The following CFAP53 variants were observed in gnomAD, a reference collection of about 807,000 sequenced individuals.
CFAP53 encodes cilia- and flagella-associated protein 53.
A neutral mutation model predicts 59.7 loss-of-function variants in CFAP53; 62 were observed. That is an observed-to-expected ratio of 1.04 (90% confidence interval 0.85 to 1.28). CFAP53 has a LOEUF of 1.28. Among genes scored for constraint, CFAP53 ranks in the 50% most tolerant of loss-of-function variants. CFAP53 has a pLI of 0.00. For synonymous variants in CFAP53, 218 were observed against 205.7 expected (o/e 1.06, Z -0.51); for missense variants, 629 against 615.6 (o/e 1.02, Z -0.23).
intron 5 of CFAP53, among the ~76,000 whole-genome samples, chr18:50,247,955 G>T (rs1010268841): frequency 5.3e-5 from 8 of 152,214 alleles, no homozygotes; most frequent in African/African-American, 1.9e-4. Context: ...CTCTCTTGAA[G>T]CTGTTAAAAA....
In CFAP53 at chr18:50,243,098, G is replaced by A. The variant is rs1568153708; in HGVS notation, c.1015C>T (p.Gln339Ter). 6.2e-7 allele frequency: 1 copy of A among 1,611,478 alleles called. No individual in the cohort carries two copies. The highest frequency in any genetic ancestry group is 1.1e-5 in the South Asian group (1 of 91,000). ...GCCAAATATTTATGGTATATCTTCT[G>A]TTCTCTTATCATATCTTCCTATGTA... Reference protein sequence around the residue: ...KQKREDMIREQKIYHKYLAQR... With the variant: ...KQKREDMIRE Residue 339 changes from glutamine to a stop codon, truncating the protein, a stop_gained, in exon 6 of 8, where the codon CAG (glutamine) becomes TAG (stop). Transcript: ENST00000398545. LOFTEE classifies it high-confidence loss of function.
chr18:50,253,233 G>A (rs1198012984), intron 3 of CFAP53, among the ~76,000 whole-genome samples: 1 of 151,942 alleles, frequency 6.6e-6, no homozygotes. Context: ...ACCCAGGATG[G>A]TCTTGATCTC....
intron 7 of CFAP53, among the ~76,000 whole-genome samples, chr18:50,233,740 A>G (rs1191385491): frequency 2.6e-5 from 4 of 152,262 alleles, no homozygotes; most frequent in Admixed American, 2.6e-4. Flanking sequence ...CATAACACAC[A>G]GCACTAACTT....
intron 4 of CFAP53, 44 bp downstream of exon 4, chr18:50,251,437 C>T (rs1400722123): frequency 6.5e-7 from 1 of 1,540,544 alleles, no homozygotes; most frequent in East Asian, 2.2e-5. Context: ...CTGTACTACA[C>T]CCATGGCGTT....
intron 7 of CFAP53, 55 bp downstream of exon 7, chr18:50,238,548 A>G (rs1256257064): frequency 1.6e-6 from 2 of 1,248,844 alleles, no homozygotes; most frequent in Non-Finnish European, 2.3e-6. Flanking sequence ...CACCATGGCT[A>G]GCCAAAAATC....
intron 5 of CFAP53, among the ~76,000 whole-genome samples, chr18:50,248,915 C>G (rs1476549388): frequency 6.6e-6 from 1 of 151,562 alleles, no homozygotes; most frequent in Non-Finnish European, 1.5e-5. Flanking sequence ...AATGGCTAAA[C>G]AAACTGTGGT....
chr18:50,249,983 G>A (rs1198250914), intron 5 of CFAP53, among the ~76,000 whole-genome samples: 1 of 152,114 alleles, frequency 6.6e-6, no homozygotes, highest in Non-Finnish European at 1.5e-5. Context: ...AGCACTTTAG[G>A]AGGCTGAGGT....
At chr18:50,234,594 C>G (rs2144403618) in intron 7 of CFAP53, among the ~76,000 whole-genome samples, 1 of 152,290 alleles carries the variant, frequency 6.6e-6, no homozygotes, top group African/African-American at 2.4e-5. Flanking sequence ...GAACTGGGCT[C>G]TTCTTTTTGT....
In CFAP53 at chr18:50,253,954, T is replaced by C. The variant is rs563764164; in HGVS notation, c.474-2170A>G. 5.3e-5 allele frequency among the ~76,000 whole-genome samples: 8 copies of C among 152,296 alleles called. No individual in the cohort carries two copies. In the South Asian group the frequency reaches 1.5e-3, roughly 28 times the overall value. ...TAATCTGGGGTCTAATCATTAACCA[T>C]GTATAATTACAGGGCATTTAAAAAG... On this transcript the variant is annotated intron_variant, in intron 3 of 7. Transcript: ENST00000398545.
At position 50,250,823 on chromosome 18, in the gene CFAP53, T is replaced by A; in HGVS notation, c.931A>T (p.Met311Leu). The A allele has an allele frequency of 6.2e-7, 1 of 1,614,214 alleles. No homozygotes were observed. The highest frequency in any genetic ancestry group is 2.2e-5 in the East Asian group (1 of 44,890). Residue 311 changes from methionine to leucine, a missense_variant, in exon 5 of 8, where the codon ATG becomes TTG. Coordinates refer to ENST00000398545, the MANE Select transcript of CFAP53 (RefSeq NM_145020.5). ...QEYRDEQDLN[M>L]KLVQRALQDL... ...TGAAGGGCCCTTTGCACGAGCTTCA[T>A]GTTCAAGTCCTGTTCGTCTCTGTAT...
intron 7 of CFAP53, 150 bp from the exon 8 acceptor site, chr18:50,227,759 T>A: frequency 3.2e-6 from 2 of 626,240 alleles, no homozygotes; most frequent in Middle Eastern, 4.1e-4. Flanking sequence ...AAAAACTCAA[T>A]AATGGGTTTC....
At chr18:50,227,955 C>CTTTTCT (rs2033542096) in intron 7 of CFAP53, among the ~76,000 whole-genome samples, 1 of 90,090 alleles carries the variant, frequency 1.1e-5, no homozygotes, top group Non-Finnish European at 1.9e-5. Flanking sequence ...AACTTTTCTC[C>CTTTTCT]TTTTTTTTTT....
intron 1 of CFAP53, among the ~76,000 whole-genome samples, chr18:50,264,318 T>A (rs985828457): frequency 6.6e-6 from 1 of 152,222 alleles, no homozygotes; most frequent in African/African-American, 2.4e-5. Context: ...TTATAGTTAT[T>A]AGGATTACAA....
At position 50,261,981 on chromosome 18, in the gene CFAP53, G is replaced by A. The variant is rs751535139; in HGVS notation, c.299+9C>T. 3.8e-6 allele frequency: 6 copies of A among 1,592,596 alleles called. No individual in the cohort carries two copies. Among genetic ancestry groups the A allele is most frequent in the Admixed American group, 3.3e-5 (2 of 59,808 alleles). On this transcript the variant is annotated intron_variant, in intron 2 of 7. Transcript: ENST00000398545. ...TTCATGGTTTATGTCCCAGGTTTGT[G>A]AGCCTTACTTATTTCGTCTTTCTTC...
At position 50,227,485 on chromosome 18, in the gene CFAP53, T is replaced by C; in HGVS notation, c.1441A>G (p.Lys481Glu). 6.2e-7 allele frequency: 1 copy of C among 1,614,200 alleles called. No homozygotes were observed. Among genetic ancestry groups the C allele is most frequent in the Non-Finnish European group, 8.5e-7 (1 of 1,180,020 alleles). ...TCCTGGACCTTGTCCAAACACATCT[T>C]GTTTGCTGCTACACCTGCTTCAAAC... ...REFEAGVAAN[K>E]MCLDKVQEVL... The change falls in exon 8 of 8, where the codon AAG becomes GAG. Residue 481 changes from lysine to glutamate, a missense_variant. Lys to Glu is a moderately conservative substitution (Grantham distance 56). Coordinates refer to ENST00000398545, the MANE Select transcript of CFAP53 (RefSeq NM_145020.5).
At chr18:50,251,925 G>A (rs2033805364) in intron 3 of CFAP53, 141 bp from the exon 4 acceptor site, 1 of 728,218 alleles carries the variant, frequency 1.4e-6, no homozygotes, top group South Asian at 1.8e-5. Flanking sequence ...GGAAACAAGA[G>A]GGAGCAGCAG....
Position 50,250,839 on chromosome 18 carries a change from G to A in CFAP53, c.915C>T (p.Asp305=), listed in dbSNP as rs1243166509. 1.3e-5 allele frequency: 21 copies of A among 1,613,980 alleles called. No homozygotes were observed. The highest frequency in any genetic ancestry group is 5.3e-5 in the African/African-American group (4 of 74,918). The part of the protein sequence containing the change: ...RIEHIQQEYR[D]EQDLNMKLVQ... ...CGAGCTTCATGTTCAAGTCCTGTTC[G>A]TCTCTGTATTCCTGCTGAATATGTT... is the stretch of plus-strand genomic sequence containing the variant. Residue 305 remains aspartate, a synonymous_variant, in exon 5 of 8, where the codon GAC becomes GAT. Coordinates refer to ENST00000398545, the MANE Select transcript of CFAP53 (RefSeq NM_145020.5).
Position 50,243,094 on chromosome 18 carries a change from TTC to T in CFAP53, c.1017_1018del (p.Lys340AspfsTer4). The T allele has an allele frequency of 6.2e-7, 1 of 1,612,182 alleles. No homozygotes were observed. The highest frequency in any genetic ancestry group is 8.5e-7 in the Non-Finnish European group (1 of 1,178,850). On this transcript the variant is annotated frameshift_variant, in exon 6 of 8. Transcript: ENST00000398545. LOFTEE classifies it high-confidence loss of function. ...CTGTGCCAAATATTTATGGTATATC[TTC>T]TGTTCTCTTATCATATCTTCCTATG...
In CFAP53 at chr18:50,259,896, C is replaced by T. The variant is rs958181835; in HGVS notation, c.473+1168G>A. Among the ~76,000 whole-genome samples, 6 of 152,114 alleles carry T rather than the reference C, an allele frequency of 3.9e-5. No homozygotes were observed. In the East Asian group the frequency reaches 1.2e-3, roughly 29 times the overall value. On this transcript the variant is annotated intron_variant, in intron 3 of 7. Coordinates refer to ENST00000398545, the MANE Select transcript of CFAP53 (RefSeq NM_145020.5). ...TTTACACTCTTAGAAGTATCAGAAG[C>T]ACTGAAAATATAACTGAGGAATTAT...
Sources: allele counts gnomAD v4.1 joint callset (sites outside exome capture counted in the v4.1 genomes callset), GRCh38; gene constraint gnomAD v4.1.1; transcripts MANE v1.5; gene names NCBI Gene and HGNC (gene_info 2026-07-23, HGNC 2026-07-21).